MALT1: variants seen among roughly 807,000 people sequenced by gnomAD.
MALT1 encodes mucosa-associated lymphoid tissue lymphoma translocation protein 1.
A neutral mutation model predicts 85.5 loss-of-function variants in MALT1; 36 were observed. That is an observed-to-expected ratio of 0.42 (90% CI 0.32 to 0.56). The LOEUF is 0.56. Ranked by LOEUF, MALT1 falls within the 20% of genes least tolerant of loss-of-function variation. MALT1 has a pLI of 0.10. For missense variants in MALT1, 716 were observed against 981.6 expected, an observed-to-expected ratio of 0.73 and a Z score of 3.62; for synonymous variants, 359 against 361.3, an observed-to-expected ratio of 0.99 and a Z score of 0.07.
chr18:58,680,492 A>G (rs1028255659), intron 1 of MALT1, among the ~76,000 whole-genome samples: 10 of 152,146 alleles, frequency 6.6e-5, no homozygotes, highest in Admixed American at 4.6e-4. Flanking sequence ...TGATTGTTCT[A>G]TCCGCTTCAT....
chr18:58,697,905 A>G (rs1298748929), intron 3 of MALT1, among the ~76,000 whole-genome samples: 2 of 152,194 alleles, frequency 1.3e-5, no homozygotes, highest in Non-Finnish European at 2.9e-5. Context: ...CTTACACGCC[A>G]GTGGGGACAG....
intron 13 of MALT1, 66 bp downstream of exon 13, chr18:58,735,395 G>A: frequency 2.0e-6 from 3 of 1,510,704 alleles, no homozygotes; most frequent in Non-Finnish European, 2.6e-6. Flanking sequence ...ACCTATTCAG[G>A]GTTCCCTCTC....
At chr18:58,699,604 T>G (rs929548586) in intron 3 of MALT1, among the ~76,000 whole-genome samples, 7 of 152,214 alleles carry the variant, frequency 4.6e-5, no homozygotes, top group African/African-American at 1.7e-4. Context: ...TACTTAAAAG[T>G]TCAGCATCCC....
At chr18:58,694,715 T>C (rs555166408) in intron 2 of MALT1, among the ~76,000 whole-genome samples, 27 of 152,210 alleles carry the variant, frequency 1.8e-4, no homozygotes, top group Non-Finnish European at 3.2e-4. Flanking sequence ...TTTCTGAGGC[T>C]AGTAGTCCAG....
chr18:58,725,701 T>G (rs1404602163), intron 10 of MALT1, among the ~76,000 whole-genome samples: 2 of 152,210 alleles, frequency 1.3e-5, no homozygotes, highest in South Asian at 2.1e-4. Flanking sequence ...CTACCTTGGT[T>G]GTTTATTCTC....
intron 2 of MALT1, among the ~76,000 whole-genome samples, chr18:58,693,975 C>T (rs1319238443): frequency 2.6e-5 from 4 of 152,158 alleles, no homozygotes; most frequent in Non-Finnish European, 5.9e-5. Context: ...TAAAACTCTC[C>T]TGGCAGATGA....
chr18:58,733,797 A>G (rs2055187498), intron 11 of MALT1: 15 of 839,752 alleles, frequency 1.8e-5, no homozygotes, highest in Non-Finnish European at 2.5e-5. Context: ...ACTAAAGGGC[A>G]TGGGCATTTA....
chr18:58,696,512 A>T, intron 3 of MALT1, 25 bp downstream of exon 3: 1 of 1,506,850 alleles, frequency 6.6e-7, no homozygotes. Flanking sequence ...ATATCTTTTA[A>T]TTCTTCCAAG....
At chr18:58,734,179 T>A in intron 11 of MALT1, 128 bp from the exon 12 acceptor site, 1 of 1,077,394 alleles carries the variant, frequency 9.3e-7, no homozygotes, top group Non-Finnish European at 1.3e-6. Context: ...AGATGAAAAA[T>A]TTTGAATCTA....
In MALT1 at chr18:58,747,763, G is replaced by C; in HGVS notation, c.2396G>C (p.Ser799Thr). ...SFAHHASCHF[S>T]RSNVPVETTD... ...GCTCACCATGCTTCATGTCATTTTA[G>C]TAGAAGTAATGTGCCAGTAGAGACA... Residue 799 changes from serine (S) to threonine (T), a missense_variant, in exon 17 of 17, where the codon AGT (serine) becomes ACT (threonine). Around this residue, in one of 4 missense-constraint regions of MALT1, gnomAD observed 260 missense variants for 323.7 expected, o/e 0.80. Coordinates refer to ENST00000649217, the MANE Select transcript of MALT1 (RefSeq NM_006785.4). 4 of 1,614,082 alleles carry C rather than the reference G, an allele frequency of 2.5e-6. No homozygotes were observed. The highest frequency in any genetic ancestry group is 3.4e-6 in the Non-Finnish European group (4 of 1,179,944).
chr18:58,720,980 A>G (rs1016117107), intron 9 of MALT1, among the ~76,000 whole-genome samples: 1 of 152,194 alleles, frequency 6.6e-6, no homozygotes, highest in African/African-American at 2.4e-5. Flanking sequence ...TTGGATCCTT[A>G]TTCTAATAGC....
chr18:58,736,608 TATG>T (rs1446838776), intron 13 of MALT1, among the ~76,000 whole-genome samples: 2 of 152,248 alleles, frequency 1.3e-5, no homozygotes, highest in Admixed American at 6.5e-5. Context: ...CTCACTCACA[TATG>T]ATATTTACCA....
At chr18:58,714,030 G>T in intron 7 of MALT1, 53 bp from the exon 8 acceptor site, 1 of 846,284 alleles carries the variant, frequency 1.2e-6, no homozygotes, top group Non-Finnish European at 2.0e-6. Flanking sequence ...CTTACTATTT[G>T]TGCTAAATTG....
At chr18:58,738,381 C>T (rs1403762353) in intron 13 of MALT1, among the ~76,000 whole-genome samples, 1 of 152,058 alleles carries the variant, frequency 6.6e-6, no homozygotes, top group Non-Finnish European at 1.5e-5. Flanking sequence ...TTTTCAACTA[C>T]TCTCCTGTGT....
At chr18:58,722,320 C>G (rs181752071) in intron 9 of MALT1, among the ~76,000 whole-genome samples, 28 of 151,886 alleles carry the variant, frequency 1.8e-4, no homozygotes, top group African/African-American at 6.8e-4. Flanking sequence ...CTTTTTTTCT[C>G]TTATGAACAA....
In MALT1 at chr18:58,748,063, A is replaced by C. The variant is rs1052154403; in HGVS notation, c.*221A>C. 16 of 532,704 alleles carry C rather than the reference A, an allele frequency of 3.0e-5. No individual in the cohort carries two copies. In the African/African-American group the frequency reaches 3.0e-4, roughly 10 times the overall value. 33.0% of individuals were successfully genotyped at this position (532,704 alleles called of 1,614,324 possible). Reference sequence around the variant, plus strand: ...TTGTGAATTGGTTGAATAGTTCTATACAAATGAAGTATGGAGGTGTGTATG... The same window carrying C: ...TTGTGAATTGGTTGAATAGTTCTATCCAAATGAAGTATGGAGGTGTGTATG... On this transcript the variant is annotated 3_prime_UTR_variant, in exon 17 of 17. Transcript: ENST00000649217.
intron 4 of MALT1, among the ~76,000 whole-genome samples, chr18:58,707,045 T>G (rs752351831): frequency 1.5e-4 from 23 of 152,164 alleles, no homozygotes; most frequent in Non-Finnish European, 7.3e-5. Flanking sequence ...TCCTTCACTT[T>G]ATCTCTTTTG....
At chr18:58,685,524 C>G (rs1437429238) in intron 2 of MALT1, among the ~76,000 whole-genome samples, 4 of 152,176 alleles carry the variant, frequency 2.6e-5, no homozygotes, top group African/African-American at 9.7e-5. Context: ...AGTATCCATG[C>G]ATCTCTAACT....
chr18:58,684,647 T>C (rs1160995461), intron 2 of MALT1, among the ~76,000 whole-genome samples: 5 of 151,784 alleles, frequency 3.3e-5, no homozygotes, highest in African/African-American at 1.2e-4. Flanking sequence ...GGTTTCTCCA[T>C]GTTGATCAGG....
Sources: allele counts gnomAD v4.1 joint callset (sites outside exome capture counted in the v4.1 genomes callset), GRCh38; gene constraint gnomAD v4.1.1; regional missense constraint gnomAD v4.1.1; transcripts MANE v1.5; gene names NCBI Gene and HGNC (gene_info 2026-07-23, HGNC 2026-07-21).